CARMIL1: variants seen among roughly 807,000 people sequenced by gnomAD.
The protein encoded by CARMIL1 is capping protein regulator and myosin 1 linker 1, also known as F-actin-uncapping protein LRRC16A.
Under a neutral mutation model 177.1 loss-of-function variants are expected in CARMIL1, and 90 were observed. The ratio of observed to expected loss-of-function variants is 0.51; its 90% CI spans 0.43 to 0.61. CARMIL1 has a LOEUF of 0.61. CARMIL1 is among the 20% of genes least tolerant of loss of function. CARMIL1 has a pLI of 0.00. For synonymous variants in CARMIL1, 577 were observed against 606.2 expected (o/e 0.95, Z 0.71); for missense variants, 1,380 against 1,667.0 (o/e 0.83, Z 3.00).
At chr6:25,373,614 C>T (rs1431552734) in intron 2 of CARMIL1, among the ~76,000 whole-genome samples, 1 of 148,626 alleles carries the variant, frequency 6.7e-6, no homozygotes, top group Non-Finnish European at 1.5e-5. Flanking sequence ...GACAGAGTCT[C>T]GCTTTATCAC....
rs1482895628 is a variant in CARMIL1 at position 25,488,362 on chromosome 6, A to G, written c.962-120A>G. ...AATCATAGCGCCACCTTTCAGGGAC[A>G]GTGCTCATGGTTAACCTCAGTCCTG... is the stretch of plus-strand genomic sequence containing the variant. On this transcript the variant is annotated intron_variant, in intron 12 of 36. Coordinates refer to ENST00000329474, the MANE Select transcript of CARMIL1 (RefSeq NM_017640.6). 1.8e-5 allele frequency: 14 copies of G among 768,082 alleles called. 1 individual carries two copies. The South Asian group carries it at 2.0e-4, about 11-fold the overall frequency. 47.6% of individuals were successfully genotyped at this position (768,082 alleles called of 1,614,324 possible).
intron 26 of CARMIL1, among the ~76,000 whole-genome samples, chr6:25,547,420 A>G (rs1046091889): frequency 6.6e-6 from 1 of 152,204 alleles, no homozygotes; most frequent in African/African-American, 2.4e-5. Flanking sequence ...ACTTAGGATA[A>G]TTAGGAAAAT....
rs540854233 is a variant in CARMIL1, at chr6:25,586,210, C to T, written c.3006+4771C>T. 2.4e-4 allele frequency among the ~76,000 whole-genome samples: 35 copies of T among 148,876 alleles called. No homozygotes were observed. The East Asian group carries it at 4.6e-3, about 19-fold the overall frequency. The stretch of plus-strand genomic sequence containing the variant: ...CTCACTTCCCGGACGGGGTGGCTGC[C>T]GGGCGGAGGGGCTCCTCACTTCTCA... On this transcript the variant is annotated intron_variant, in intron 31 of 36. Transcript: ENST00000329474.
At chr6:25,283,635 G>T (rs965051854) in intron 1 of CARMIL1, among the ~76,000 whole-genome samples, 2 of 152,124 alleles carry the variant, frequency 1.3e-5, no homozygotes, top group African/African-American at 4.8e-5. Context: ...CTTCTTGGGG[G>T]TATTGTGCTG....
chr6:25,355,054 C>T (rs1788453974), intron 2 of CARMIL1, among the ~76,000 whole-genome samples: 1 of 152,052 alleles, frequency 6.6e-6, no homozygotes, highest in African/African-American at 2.4e-5. Flanking sequence ...AATGTAATAC[C>T]CTCTCCTTGG....
intron 31 of CARMIL1, among the ~76,000 whole-genome samples, chr6:25,591,714 C>T (rs981443810): frequency 6.6e-6 from 1 of 152,210 alleles, no homozygotes; most frequent in Non-Finnish European, 1.5e-5. Flanking sequence ...CCTCCTGCTT[C>T]CTATTTTAAC....
At chr6:25,584,885 T>C (rs868003007) in intron 31 of CARMIL1, among the ~76,000 whole-genome samples, 2 of 152,224 alleles carry the variant, frequency 1.3e-5, no homozygotes, top group African/African-American at 4.8e-5. Context: ...TGGGGTAGCA[T>C]GTCCCAACCT....
chr6:25,427,240 A>AT (rs1474089473), intron 4 of CARMIL1, among the ~76,000 whole-genome samples: 1 of 151,988 alleles, frequency 6.6e-6, no homozygotes, highest in African/African-American at 2.4e-5. Context: ...ACCCAGGTAA[A>AT]TGTGTGCCAT....
At chr6:25,460,758 G>T (rs1800050964) in intron 8 of CARMIL1, among the ~76,000 whole-genome samples, 1 of 152,144 alleles carries the variant, frequency 6.6e-6, no homozygotes, top group Admixed American at 6.5e-5. Flanking sequence ...AGTGAATGTT[G>T]GTCAGACATT....
chr6:25,606,798 G>A (rs1309920861), intron 35 of CARMIL1, among the ~76,000 whole-genome samples: 1 of 152,156 alleles, frequency 6.6e-6, no homozygotes, highest in Non-Finnish European at 1.5e-5. Flanking sequence ...TTTTGCGTTG[G>A]TGTCACCTGT....
intron 12 of CARMIL1, among the ~76,000 whole-genome samples, chr6:25,483,145 A>G (rs1802281004): frequency 6.6e-6 from 1 of 152,186 alleles, no homozygotes; most frequent in South Asian, 2.1e-4. Flanking sequence ...CTTTCCTGCT[A>G]CACTGGGGCT....
chr6:25,452,079 C>G (rs1388567412), intron 8 of CARMIL1: 2 of 690,174 alleles, frequency 2.9e-6, no homozygotes. Context: ...CTGAAGAGCT[C>G]TAGCCAACTG....
intron 1 of CARMIL1, among the ~76,000 whole-genome samples, chr6:25,283,133 A>G (rs1406268721): frequency 6.6e-6 from 1 of 152,226 alleles, no homozygotes; most frequent in Non-Finnish European, 1.5e-5. Flanking sequence ...GGTGTAAAAG[A>G]TGAAGATATT....
Position 25,509,792 on chromosome 6 carries a change from TA to T in CARMIL1, c.1477+57del. The T allele has an allele frequency of 8.1e-7, 1 of 1,239,928 alleles. No individual in the cohort carries two copies. The highest frequency in any genetic ancestry group is 1.3e-5 in the South Asian group (1 of 76,170). 76.8% of individuals were successfully genotyped at this position (1,239,928 alleles called of 1,614,324 possible). A position where few individuals can be genotyped will look rare whatever the true frequency, so the allele number is the denominator to read the frequency against. ...TGAAATATTTTTTGAAGCAAGTTAA[TA>T]AGGGGAAAATAATCTTCTACCCAAA... On this transcript the variant is annotated intron_variant, in intron 18 of 36. Coordinates refer to ENST00000329474, the MANE Select transcript of CARMIL1 (RefSeq NM_017640.6). This position sits in a 1 kb window ranked among gnomAD's most constrained non-coding sequence, Gnocchi z 4.1.
chr6:25,574,378 G>A (rs1278168266), intron 29 of CARMIL1, among the ~76,000 whole-genome samples: 12 of 152,164 alleles, frequency 7.9e-5, no homozygotes. Context: ...AATATACACT[G>A]GAACACACAC....
chr6:25,405,130 A>C (rs9461162), intron 2 of CARMIL1, among the ~76,000 whole-genome samples: 1 of 152,014 alleles, frequency 6.6e-6, no homozygotes, highest in African/African-American at 2.4e-5. Flanking sequence ...CAAAGTGCTG[A>C]ATGGAGTTAT....
chr6:25,497,623 GC>G, intron 16 of CARMIL1, among the ~76,000 whole-genome samples: 1 of 152,290 alleles, frequency 6.6e-6, no homozygotes, highest in Non-Finnish European at 1.5e-5. Context: ...GCTGTCATGG[GC>G]TCAGCAGTGT....
At chr6:25,597,916 C>T (rs1288066902) in intron 32 of CARMIL1, among the ~76,000 whole-genome samples, 9 of 152,152 alleles carry the variant, frequency 5.9e-5, no homozygotes, top group Admixed American at 4.6e-4. Flanking sequence ...ATTTTGATAG[C>T]TTTCCTCCAT....
At chr6:25,305,392 T>C (rs1002530171) in intron 2 of CARMIL1, among the ~76,000 whole-genome samples, 4 of 152,224 alleles carry the variant, frequency 2.6e-5, no homozygotes, top group African/African-American at 9.6e-5. Flanking sequence ...AGTTTTCTCC[T>C]TTCAGAGTCC....
Sources: gnomAD v4.1 joint callset for allele counts (sites outside exome capture counted in the v4.1 genomes callset) on GRCh38, gnomAD v4.1.1 for gene constraint, Gnocchi (gnomAD v3.1) non-coding constraint, MANE v1.5 for transcripts, NCBI Gene and HGNC (gene_info 2026-07-23, HGNC 2026-07-21) for gene names.